The following COL11A1 variants were observed in gnomAD, a reference collection of about 807,000 sequenced individuals.
The protein encoded by COL11A1 is collagen alpha-1(XI) chain.
In COL11A1, 74 loss-of-function variants were observed where a neutral mutation model predicts 265.2. The ratio of observed to expected loss-of-function variants is 0.28; its 90% confidence interval spans 0.23 to 0.34. COL11A1 has a LOEUF of 0.34. Ranked by LOEUF, COL11A1 falls within the 10% of genes least tolerant of loss-of-function variation. The probability of loss-of-function intolerance (pLI) is 1.00; values close to 1 mark genes in which losing one functional copy is unlikely to be tolerated. For synonymous variants in COL11A1, 816 were observed against 727.6 expected, an observed-to-expected ratio of 1.12 and a Z score of -1.96; for missense variants, 2,165 against 2,263.6, an observed-to-expected ratio of 0.96 and a Z score of 0.88.
chr1:102,932,794 T>C (rs1481594968), intron 46 of COL11A1, among the ~76,000 whole-genome samples: 1 of 151,774 alleles, frequency 6.6e-6, no homozygotes, highest in African/African-American at 2.4e-5. Flanking sequence ...CTCATTTCTT[T>C]TTATTCTTTT....
intron 5 of COL11A1, among the ~76,000 whole-genome samples, chr1:103,028,880 T>G (rs1466101578): frequency 6.6e-6 from 1 of 152,160 alleles, no homozygotes; most frequent in Non-Finnish European, 1.5e-5. Flanking sequence ...CATATAGATT[T>G]AACATCTAAT....
At chr1:102,989,219 G>A (rs1190818102) in intron 29 of COL11A1, among the ~76,000 whole-genome samples, 1 of 151,692 alleles carries the variant, frequency 6.6e-6, no homozygotes, top group African/African-American at 2.4e-5. Flanking sequence ...ACTTTCTAAT[G>A]TCCTGTGTAT....
At position 103,031,382 on chromosome 1, in the gene COL11A1, G is replaced by T. The variant is rs1667989582; in HGVS notation, c.652-138C>A. Reference sequence around the variant, plus strand: ...TGACCTACTTATATTTCAATGTTAAGAAGAGTCTTATAGGATTGAAAGAGA... The same window carrying T: ...TGACCTACTTATATTTCAATGTTAATAAGAGTCTTATAGGATTGAAAGAGA... On this transcript the variant is annotated intron_variant, in intron 4 of 66. Coordinates refer to ENST00000370096, the MANE Select transcript of COL11A1 (RefSeq NM_001854.4). The T allele has an allele frequency of 5.6e-6, 6 of 1,076,430 alleles. No individual in the cohort carries two copies. The Admixed American group carries it at 7.0e-5, about 13-fold the overall frequency. 66.7% of individuals were successfully genotyped at this position (1,076,430 alleles called of 1,614,324 possible). A position where few individuals can be genotyped will look rare whatever the true frequency, so the allele number is the denominator to read the frequency against.
chr1:102,977,536 A>C (rs1316145205), intron 35 of COL11A1, among the ~76,000 whole-genome samples: 2 of 152,158 alleles, frequency 1.3e-5, no homozygotes, highest in Non-Finnish European at 2.9e-5. Context: ...ATTGATCATA[A>C]CATTTTGGAA....
At chr1:102,974,672 C>A (rs1662294302) in intron 36 of COL11A1, among the ~76,000 whole-genome samples, 158 bp downstream of exon 36, 3 of 151,984 alleles carry the variant, frequency 2.0e-5, no homozygotes, top group African/African-American at 2.4e-5. Flanking sequence ...GATCTATGAA[C>A]CTTATAAATT....
intron 49 of COL11A1, among the ~76,000 whole-genome samples, chr1:102,919,740 A>G (rs1655761234): frequency 6.6e-6 from 1 of 152,214 alleles, no homozygotes; most frequent in African/African-American, 2.4e-5. Context: ...CACAAGAAAA[A>G]AAAAGCTATT....
At chr1:102,938,359 C>A (rs1233651426) in intron 44 of COL11A1, among the ~76,000 whole-genome samples, 2 of 146,280 alleles carry the variant, frequency 1.4e-5, no homozygotes, top group African/African-American at 5.1e-5. Context: ...TATCAGAGAG[C>A]AAATACATGA....
chr1:103,105,651 T>C (rs1028599782), intron 1 of COL11A1, among the ~76,000 whole-genome samples: 8 of 152,168 alleles, frequency 5.3e-5, no homozygotes, highest in African/African-American at 1.9e-4. Context: ...TGTCATAGTA[T>C]GATGCTGGGA....
At chr1:103,073,790 G>GTA (rs1007286569) in intron 4 of COL11A1, among the ~76,000 whole-genome samples, 48 of 151,822 alleles carry the variant, frequency 3.2e-4, no homozygotes, top group East Asian at 1.7e-3. Context: ...CTGTATGTTT[G>GTA]TATATATATA....
chr1:102,896,523 T>C (rs1652449390), intron 57 of COL11A1, among the ~76,000 whole-genome samples: 1 of 152,140 alleles, frequency 6.6e-6, no homozygotes, highest in Non-Finnish European at 1.5e-5. Context: ...ATGAAAAAAC[T>C]ACACATTATA....
intron 42 of COL11A1, among the ~76,000 whole-genome samples, chr1:102,944,553 A>G (rs1659054350): frequency 6.6e-6 from 1 of 152,144 alleles, no homozygotes; most frequent in Non-Finnish European, 1.5e-5. Flanking sequence ...ATCACTAATT[A>G]CCAACAAAAC....
chr1:102,929,858 G>C (rs1657169685), intron 46 of COL11A1, among the ~76,000 whole-genome samples: 1 of 152,174 alleles, frequency 6.6e-6, no homozygotes, highest in Admixed American at 6.5e-5. Context: ...AAGCAATTGT[G>C]AATGGGAGTT....
At chr1:103,047,033 G>A (rs1571144188) in intron 4 of COL11A1, among the ~76,000 whole-genome samples, 1 of 152,156 alleles carries the variant, frequency 6.6e-6, no homozygotes, top group Admixed American at 6.5e-5. Flanking sequence ...TTGAAGTCAG[G>A]TAGTGGGATG....
chr1:102,960,537 G>A (rs1660801199), intron 41 of COL11A1, among the ~76,000 whole-genome samples: 1 of 152,004 alleles, frequency 6.6e-6, no homozygotes, highest in Admixed American at 6.6e-5. Flanking sequence ...ATTATCCAAA[G>A]ATGACTTTAT....
At chr1:103,080,133 G>T (rs930808116) in intron 2 of COL11A1, among the ~76,000 whole-genome samples, 20 of 151,906 alleles carry the variant, frequency 1.3e-4, no homozygotes, top group African/African-American at 4.8e-4. Flanking sequence ...GTAGCAGAAA[G>T]ATGTTTTATG....
chr1:103,002,393 A>T, intron 23 of COL11A1, 35 bp downstream of exon 23: 1 of 1,559,046 alleles, frequency 6.4e-7, no homozygotes, highest in Non-Finnish European at 8.8e-7. Context: ...TCTTCCCCCC[A>T]TTATTTCAAA....
intron 4 of COL11A1, among the ~76,000 whole-genome samples, chr1:103,044,990 G>A (rs1159892041): frequency 6.6e-6 from 1 of 152,012 alleles, no homozygotes; most frequent in Admixed American, 6.6e-5. Context: ...GACACTTGAG[G>A]AACTGAGGAA....
chr1:102,949,249 AC>A (rs1353222359), intron 41 of COL11A1, among the ~76,000 whole-genome samples: 2 of 150,220 alleles, frequency 1.3e-5, no homozygotes, highest in African/African-American at 5.0e-5. Context: ...ATATAAGGTG[AC>A]TATATTACAA....
chr1:102,939,774 T>C (rs113287791), intron 43 of COL11A1, among the ~76,000 whole-genome samples: 5,120 of 152,186 alleles, frequency 0.034, 111 homozygotes, highest in Middle Eastern at 0.085. Context: ...TTCCAGATGC[T>C]AAAATGATGC....
Sources: allele counts gnomAD v4.1 joint callset (sites outside exome capture counted in the v4.1 genomes callset), GRCh38; gene constraint gnomAD v4.1.1; transcripts MANE v1.5; gene names NCBI Gene and HGNC (gene_info 2026-07-23, HGNC 2026-07-21).